Variants in PSAT1 observed in about 807,000 individuals in gnomAD.
PSAT1 encodes phosphoserine aminotransferase.
PSAT1 carries 41 observed loss-of-function variants against 40.3 expected under a neutral mutation model. The observed-to-expected ratio is 1.02, with a 90% CI of 0.79 to 1.32. The LOEUF is 1.32. Among genes scored for constraint, PSAT1 ranks in the 40% most tolerant of loss-of-function variants. The pLI is 0.00. For synonymous variants in PSAT1, 147 were observed against 170.5 expected (o/e 0.86, Z 1.07); for missense variants, 406 against 455.8 (o/e 0.89, Z 0.99).
At chr9:78,305,367 G>C (rs1297738505) in intron 4 of PSAT1, among the ~76,000 whole-genome samples, 1 of 152,114 alleles carries the variant, frequency 6.6e-6, no homozygotes, top group Non-Finnish European at 1.5e-5. Context: ...CGCCTGCCTC[G>C]GCCTCCCAGA....
chr9:78,306,333 C>T lies in PSAT1; in HGVS notation c.417C>T (p.Thr139=), dbSNP rs1564013954. The part of the protein sequence containing the change: ...GSYTKIPDPS[T]WNLNPDASYV... ...TGATAGAAATTCCAGATCCAAGCAC[C>T]TGGAACCTCAACCCAGATGCCTCCT... The change falls in exon 5 of 9, where the codon ACC becomes ACT. Residue 139 remains threonine (T), a synonymous_variant. Coordinates refer to ENST00000376588, the MANE Select transcript of PSAT1 (RefSeq NM_058179.4). 2 of 1,612,300 alleles carry T rather than the reference C, an allele frequency of 1.2e-6. No homozygotes were observed. Among genetic ancestry groups the T allele is most frequent in the Non-Finnish European group, 8.5e-7 (1 of 1,179,918 alleles).
At chr9:78,321,236 C>T (rs1023393495) in intron 7 of PSAT1, among the ~76,000 whole-genome samples, 3 of 152,134 alleles carry the variant, frequency 2.0e-5, no homozygotes, top group African/African-American at 7.2e-5. Context: ...GAACTCCCAC[C>T]ACCCCCTCAG....
Position 78,302,005 on chromosome 9 carries a change from A to T in PSAT1, c.173A>T (p.Asn58Ile). Residue 58 changes from asparagine to isoleucine, a missense_variant, in exon 3 of 9, where the codon AAT becomes ATT. Transcript: ENST00000376588. ...DFAKIINNTE[N>I]LVRELLAVPD... ...GCCAAGATTATTAACAATACAGAGAATCTTGTGCGGGAATTGCTGTAAGTT... is the reference window on the plus strand; with the variant it reads ...GCCAAGATTATTAACAATACAGAGATTCTTGTGCGGGAATTGCTGTAAGTT... 6.2e-7 allele frequency: 1 copy of T among 1,611,114 alleles called. No individual in the cohort carries two copies. The highest frequency in any genetic ancestry group is 8.5e-7 in the Non-Finnish European group (1 of 1,177,354).
At position 78,300,487 on chromosome 9, in the gene PSAT1, A is replaced by T. The variant is rs10121107; in HGVS notation, c.61-115A>T. On this transcript the variant is annotated intron_variant, in intron 1 of 8. Transcript: ENST00000376588. ...GAGACTGGCTGTGGGTGGGGATGGA[A>T]GCCTGGGGACCTCACTGTAGACCCT... The T allele has an allele frequency of 0.67, 883,118 of 1,322,036 alleles. 295,958 individuals carry two copies. Among genetic ancestry groups the T allele is most frequent in the Admixed American group, 0.75 (21,755 of 29,184 alleles). 81.9% of individuals were successfully genotyped at this position (1,322,036 alleles called of 1,614,324 possible). A position where few individuals can be genotyped will look rare whatever the true frequency, so the allele number is the denominator to read the frequency against.
chr9:78,323,915 A>G (rs999259702), intron 7 of PSAT1, among the ~76,000 whole-genome samples: 4 of 152,162 alleles, frequency 2.6e-5, no homozygotes, highest in Non-Finnish European at 4.4e-5. Flanking sequence ...TATCTGACAC[A>G]TCCTTTCAGA....
chr9:78,301,536 A>G (rs940600859), intron 2 of PSAT1, among the ~76,000 whole-genome samples: 2 of 152,148 alleles, frequency 1.3e-5, no homozygotes, highest in Non-Finnish European at 2.9e-5. Context: ...TATTTCTGTT[A>G]AATTTTGCTC....
intron 7 of PSAT1, 30 bp downstream of exon 7, chr9:78,317,834 G>T (rs1242723342): frequency 4.4e-6 from 7 of 1,608,158 alleles, no homozygotes; most frequent in Non-Finnish European, 5.9e-6. Context: ...CTCCTATTTT[G>T]CCTCTTGTGA....
intron 6 of PSAT1, among the ~76,000 whole-genome samples, chr9:78,311,399 G>A (rs1229985225): frequency 6.6e-6 from 1 of 152,152 alleles, no homozygotes; most frequent in East Asian, 1.9e-4. Context: ...GGTGGGAGGG[G>A]GCAGGGAAAG....
intron 1 of PSAT1, among the ~76,000 whole-genome samples, chr9:78,300,161 T>C (rs989999634): frequency 6.6e-6 from 1 of 152,148 alleles, no homozygotes; most frequent in Admixed American, 6.5e-5. Context: ...TCTTCCTTCT[T>C]CCTGCCCACC....
At chr9:78,298,734 G>A (rs910900310) in intron 1 of PSAT1, among the ~76,000 whole-genome samples, 6 of 152,110 alleles carry the variant, frequency 3.9e-5, no homozygotes, top group African/African-American at 1.4e-4. Flanking sequence ...GGGCAGGAGG[G>A]TGAGGGGGCA....
chr9:78,306,000 T>C (rs1235027801), intron 4 of PSAT1, among the ~76,000 whole-genome samples: 2 of 152,180 alleles, frequency 1.3e-5, no homozygotes, highest in Non-Finnish European at 1.5e-5. Flanking sequence ...TGGGCTCAAG[T>C]GATCCTCCCA....
rs1299881575 is a variant in PSAT1 at position 78,302,034 on chromosome 9, AAAAGACC to A, written c.191+15_191+21del. 1 of 1,586,498 alleles carries A rather than the reference AAAAGACC, an allele frequency of 6.3e-7. No individual in the cohort carries two copies. The highest frequency in any genetic ancestry group is 1.1e-5 in the South Asian group (1 of 90,518). ...TGTGCGGGAATTGCTGTAAGTTTTA[AAAAGACC>A]AAATCATGTTACTTTTGTTAGATAC... is the stretch of plus-strand genomic sequence containing the variant. On this transcript the variant is annotated intron_variant, in intron 3 of 8. Transcript: ENST00000376588.
chr9:78,327,912 G>T (rs10867184), intron 7 of PSAT1, 139 bp from the exon 8 acceptor site: 10 of 841,702 alleles, frequency 1.2e-5, no homozygotes, highest in East Asian at 1.1e-4. Flanking sequence ...AATGTGCTGG[G>T]GCAGATTTTT....
chr9:78,313,137 G>A (rs1056799752), intron 6 of PSAT1, among the ~76,000 whole-genome samples: 2 of 152,110 alleles, frequency 1.3e-5, no homozygotes, highest in Admixed American at 6.5e-5. Context: ...AGGCCAAGGC[G>A]GGCAGATCAC....
In PSAT1 at chr9:78,329,099, C is replaced by A. The variant is rs771164639; in HGVS notation, c.*13C>A. 5.2e-6 allele frequency: 8 copies of A among 1,551,442 alleles called. No homozygotes were observed. The East Asian group carries it at 1.3e-4, about 26-fold the overall frequency. ...GCATCAGCTATGAACACATCCTAAC[C>A]AGGATATACTCTGTTCTTGAACAAC... On this transcript the variant is annotated 3_prime_UTR_variant, in exon 9 of 9. Transcript: ENST00000376588.
intron 1 of PSAT1, among the ~76,000 whole-genome samples, chr9:78,298,095 C>T (rs1214271467): frequency 3.3e-5 from 5 of 152,070 alleles, no homozygotes; most frequent in Non-Finnish European, 7.3e-5. Context: ...AATTCTCTCC[C>T]GGGCCACAAT....
chr9:78,329,261 G>A lies in PSAT1; in HGVS notation c.*175G>A. 1.6e-6 allele frequency: 1 copy of A among 612,972 alleles called. No individual in the cohort carries two copies. Among genetic ancestry groups the A allele is most frequent in the East Asian group, 2.8e-5 (1 of 35,568 alleles). 38.0% of individuals were successfully genotyped at this position (612,972 alleles called of 1,614,324 possible). On this transcript the variant is annotated 3_prime_UTR_variant, in exon 9 of 9. Coordinates refer to ENST00000376588, the MANE Select transcript of PSAT1 (RefSeq NM_058179.4). ...ATCCACAACTCTGTAAAGCTGGTGG[G>A]ACCTAATGTCACCTTAATTCTGACT...
At chr9:78,306,758 A>T (rs1241847199) in intron 5 of PSAT1, among the ~76,000 whole-genome samples, 1 of 152,174 alleles carries the variant, frequency 6.6e-6, no homozygotes, top group Admixed American at 6.5e-5. Context: ...GTTCTTAGAA[A>T]CGTGTTTGGT....
intron 5 of PSAT1, among the ~76,000 whole-genome samples, chr9:78,307,810 G>A (rs972759481): frequency 1.3e-5 from 2 of 152,136 alleles, no homozygotes; most frequent in Non-Finnish European, 2.9e-5. Context: ...GGGAGGCCGA[G>A]GAGGGTGGAT....
Sources: allele counts gnomAD v4.1 joint callset (sites outside exome capture counted in the v4.1 genomes callset), GRCh38; gene constraint gnomAD v4.1.1; transcripts MANE v1.5; gene names NCBI Gene and HGNC (gene_info 2026-07-23, HGNC 2026-07-21).